Variants in SLC17A8 observed in about 807,000 individuals in gnomAD.
SLC17A8 encodes solute carrier family 17 member 8.
SLC17A8 carries 31 observed loss-of-function variants against 58.0 expected under a neutral mutation model. The ratio of observed to expected loss-of-function variants is 0.53; its 90% CI spans 0.40 to 0.72. The LOEUF is 0.72. Among genes scored for constraint, SLC17A8 ranks in the 30% least tolerant of loss-of-function variants. The pLI is 0.00. For synonymous variants in SLC17A8, 228 were observed against 249.0 expected (o/e 0.92, Z 0.79); for missense variants, 655 against 727.8 (o/e 0.90, Z 1.15).
At chr12:100,386,746 T>C (rs993221606) in intron 2 of SLC17A8, among the ~76,000 whole-genome samples, 27 of 150,168 alleles carry the variant, frequency 1.8e-4, no homozygotes, top group African/African-American at 6.6e-4. Context: ...TGGAGTGCAG[T>C]GGCACAATCT....
chr12:100,382,340 G>A (rs574788207), intron 2 of SLC17A8, among the ~76,000 whole-genome samples: 14 of 152,198 alleles, frequency 9.2e-5, no homozygotes, highest in Admixed American at 3.3e-4. Context: ...AGGATACTTC[G>A]AAGTGACTTA....
rs760361819 is a variant in SLC17A8, at chr12:100,402,592, C to T, written c.904-4C>T. The T allele has an allele frequency of 8.7e-6, 14 of 1,613,774 alleles. No homozygotes were observed. The South Asian group carries it at 1.1e-4, about 13-fold the overall frequency. On this transcript the variant is annotated splice_region_variant and splice_polypyrimidine_tract_variant and intron_variant, in intron 7 of 11. Transcript: ENST00000323346. ...AAAAATATCATGGTATTTTTACTCCCTAGAAATTTAGTACCCCATGGAAAA... is the reference window on the plus strand; with the variant it reads ...AAAAATATCATGGTATTTTTACTCCTTAGAAATTTAGTACCCCATGGAAAA...
At chr12:100,413,152 G>A (rs183393452) in intron 10 of SLC17A8, among the ~76,000 whole-genome samples, 1 of 152,206 alleles carries the variant, frequency 6.6e-6, no homozygotes, top group Admixed American at 6.5e-5. Context: ...CACGAGCAGA[G>A]GCCCAAGCAT....
At chr12:100,364,279 G>C (rs1274157886) in intron 1 of SLC17A8, among the ~76,000 whole-genome samples, 3 of 152,090 alleles carry the variant, frequency 2.0e-5, no homozygotes, top group Non-Finnish European at 4.4e-5. Context: ...AGTCTGAATA[G>C]GCAAACTCAT....
intron 2 of SLC17A8, among the ~76,000 whole-genome samples, chr12:100,381,836 A>G (rs2135986731): frequency 6.6e-6 from 1 of 152,332 alleles, no homozygotes; most frequent in South Asian, 2.1e-4. Context: ...CAGTGACAAA[A>G]TCTAGTATTG....
intron 1 of SLC17A8, among the ~76,000 whole-genome samples, chr12:100,368,579 C>T (rs75749191): frequency 0.02 from 3,028 of 152,230 alleles, 79 homozygotes; most frequent in African/African-American, 0.065. Flanking sequence ...TACCCTACTC[C>T]CTCCAAATCT....
intron 1 of SLC17A8, among the ~76,000 whole-genome samples, chr12:100,363,839 G>A (rs1952500673): frequency 6.6e-6 from 1 of 151,884 alleles, no homozygotes; most frequent in African/African-American, 2.4e-5. Context: ...TCAGGAGTTG[G>A]AGACCAGCCT....
intron 1 of SLC17A8, among the ~76,000 whole-genome samples, chr12:100,363,990 G>A (rs1952501850): frequency 6.8e-6 from 1 of 146,844 alleles, no homozygotes; most frequent in Non-Finnish European, 1.5e-5. Context: ...AGAGGTTGCA[G>A]TGAGCTGAGA....
At chr12:100,407,586 A>ATTTT (rs71088181) in intron 9 of SLC17A8, among the ~76,000 whole-genome samples, 12 of 146,368 alleles carry the variant, frequency 8.2e-5, no homozygotes, top group Non-Finnish European at 7.6e-5. Context: ...ATATATATAT[A>ATTTT]TTTTTTTTGT....
At chr12:100,373,060 G>T (rs1018826946) in intron 1 of SLC17A8, among the ~76,000 whole-genome samples, 1 of 152,102 alleles carries the variant, frequency 6.6e-6, no homozygotes, top group African/African-American at 2.4e-5. Flanking sequence ...TAGACCCCTG[G>T]GGCTTGGATG....
chr12:100,411,475 T>C (rs1566403902), intron 9 of SLC17A8, among the ~76,000 whole-genome samples: 1 of 152,050 alleles, frequency 6.6e-6, no homozygotes, highest in African/African-American at 2.4e-5. Context: ...AGCAAGACTC[T>C]GTCTCAAAGA....
chr12:100,398,919 C>T (rs1400226983), intron 5 of SLC17A8, among the ~76,000 whole-genome samples: 4 of 152,258 alleles, frequency 2.6e-5, no homozygotes, highest in Admixed American at 6.5e-5. Flanking sequence ...CCGCCATCCA[C>T]GTAAGATGTG....
intron 9 of SLC17A8, among the ~76,000 whole-genome samples, chr12:100,407,806 C>T (rs1952837470): frequency 6.6e-6 from 1 of 151,988 alleles, no homozygotes; most frequent in South Asian, 2.1e-4. Flanking sequence ...CGGGGTTTCA[C>T]CGTGTTAGCC....
chr12:100,389,822 T>G (rs1326675519), intron 2 of SLC17A8, among the ~76,000 whole-genome samples: 2 of 149,280 alleles, frequency 1.3e-5, no homozygotes, highest in Admixed American at 1.3e-4. Context: ...ATTATTATTA[T>G]TATTATTATT....
chr12:100,363,488 C>T (rs1332265788), intron 1 of SLC17A8, among the ~76,000 whole-genome samples: 1 of 152,104 alleles, frequency 6.6e-6, no homozygotes, highest in Non-Finnish European at 1.5e-5. Flanking sequence ...CTGCCTCAGC[C>T]TCCTGAATAG....
At chr12:100,403,831 G>C (rs923362781) in intron 8 of SLC17A8, among the ~76,000 whole-genome samples, 1 of 152,146 alleles carries the variant, frequency 6.6e-6, no homozygotes, top group Non-Finnish European at 1.5e-5. Flanking sequence ...TTCCAATCTG[G>C]TAGAGGACAC....
At chr12:100,386,185 A>G (rs925727577) in intron 2 of SLC17A8, among the ~76,000 whole-genome samples, 2 of 152,132 alleles carry the variant, frequency 1.3e-5, no homozygotes, top group African/African-American at 4.8e-5. Flanking sequence ...TTTGATGTGG[A>G]TATCTTTTGG....
chr12:100,406,866 T>G (rs2136009579), intron 9 of SLC17A8, among the ~76,000 whole-genome samples: 1 of 152,270 alleles, frequency 6.6e-6, no homozygotes, highest in East Asian at 1.9e-4. Flanking sequence ...TGGGGAATTA[T>G]GCAGGGTACA....
chr12:100,383,214 G>T (rs1952649356), intron 2 of SLC17A8, among the ~76,000 whole-genome samples: 1 of 152,198 alleles, frequency 6.6e-6, no homozygotes, highest in Non-Finnish European at 1.5e-5. Flanking sequence ...ATAGACCTTG[G>T]TCAATAGAGT....
Sources: allele counts gnomAD v4.1 joint callset (sites outside exome capture counted in the v4.1 genomes callset), GRCh38; gene constraint gnomAD v4.1.1; transcripts MANE v1.5; gene names NCBI Gene and HGNC (gene_info 2026-07-23, HGNC 2026-07-21).